SLC14A1: variants seen among roughly 807,000 people sequenced by gnomAD.
SLC14A1 encodes solute carrier family 14 member 1 (Kidd blood group).
Under a neutral mutation model 39.6 loss-of-function variants are expected in SLC14A1, and 36 were observed. The observed-to-expected ratio is 0.91, with a 90% CI of 0.70 to 1.20. The LOEUF is 1.20. Ranked by LOEUF, SLC14A1 falls within the 50% of genes most tolerant of loss-of-function variation. The pLI, the probability that SLC14A1 is intolerant of heterozygous loss-of-function variation, is 0.00. For missense variants in SLC14A1, 469 were observed against 478.7 expected (o/e 0.98, Z 0.19); for synonymous variants, 164 against 173.6 (o/e 0.94, Z 0.43).
intron 4 of SLC14A1, among the ~76,000 whole-genome samples, chr18:45,732,375 G>T (rs912503871): frequency 1.3e-5 from 2 of 152,206 alleles, no homozygotes; most frequent in Admixed American, 6.5e-5. Flanking sequence ...ACATCTCCAA[G>T]TCAGTTGTTG....
chr18:45,734,436 G>GAAA (rs35812340), intron 5 of SLC14A1, 34 bp downstream of exon 5: 76 of 1,367,710 alleles, frequency 5.6e-5, no homozygotes, highest in South Asian at 9.7e-5. Context: ...ATGCCTTTTT[G>GAAA]AAAAAAAAAA....
In SLC14A1 at chr18:45,739,517, T is replaced by C; in HGVS notation, c.812-11T>C. ...TTTAGTCCTGAGTTCTGACCCCTCC[T>C]GTCTTAACAGGACTCAGTCTTTCAG... On this transcript the variant is annotated splice_polypyrimidine_tract_variant and intron_variant, in intron 7 of 9. Coordinates refer to ENST00000321925, the MANE Select transcript of SLC14A1 (RefSeq NM_015865.7). The C allele has an allele frequency of 6.2e-7, 1 of 1,614,190 alleles. No homozygotes were observed. Among genetic ancestry groups the C allele is most frequent in the Non-Finnish European group, 8.5e-7 (1 of 1,180,004 alleles).
At chr18:45,727,508 T>TG in intron 2 of SLC14A1, 8 of 1,420,582 alleles carry the variant, frequency 5.6e-6, no homozygotes, top group Non-Finnish European at 7.5e-6. Flanking sequence ...GCCTGGGAAG[T>TG]GGGGGTTGGC....
chr18:45,730,763 A>T (rs1184578955), intron 3 of SLC14A1, among the ~76,000 whole-genome samples: 1 of 152,210 alleles, frequency 6.6e-6, no homozygotes, highest in Non-Finnish European at 1.5e-5. Flanking sequence ...TATAAGCATG[A>T]AAATAAGTGC....
intron 8 of SLC14A1, 114 bp from the exon 9 acceptor site, chr18:45,748,262 G>C (rs749529901): frequency 2.7e-6 from 3 of 1,121,734 alleles, no homozygotes; most frequent in Non-Finnish European, 4.1e-6. Context: ...TTAGGCTCAT[G>C]CTTGTAATCA....
chr18:45,735,273 G>C (rs980499358), intron 5 of SLC14A1, among the ~76,000 whole-genome samples: 1 of 152,194 alleles, frequency 6.6e-6, no homozygotes, highest in Non-Finnish European at 1.5e-5. Context: ...TGCAGGGTTT[G>C]TTACACCACA....
chr18:45,736,202 A>G (rs1239550401), intron 5 of SLC14A1, among the ~76,000 whole-genome samples: 2 of 152,228 alleles, frequency 1.3e-5, no homozygotes, highest in African/African-American at 4.8e-5. Flanking sequence ...ATCTCAATAT[A>G]TAGCTCACTC....
chr18:45,731,172 C>A lies in SLC14A1; in HGVS notation c.309C>A (p.Ser103=). 1 of 1,613,974 alleles carries A rather than the reference C, an allele frequency of 6.2e-7. No homozygotes were observed. The highest frequency in any genetic ancestry group is 1.7e-5 in the Admixed American group (1 of 60,012). Reference sequence around the variant, plus strand: ...CTGGCTGGCTGGGAACAGTGGTCTCCACTCTGATGGCCCTCTTGCTCAGCC... The same window carrying A: ...CTGGCTGGCTGGGAACAGTGGTCTCAACTCTGATGGCCCTCTTGCTCAGCC... ...ALTGWLGTVV[S]TLMALLLSQD... Residue 103 remains serine, a synonymous_variant, in exon 4 of 10, where the codon TCC becomes TCA. Coordinates refer to ENST00000321925, the MANE Select transcript of SLC14A1 (RefSeq NM_015865.7).
chr18:45,741,942 T>C (rs1404904396), intron 8 of SLC14A1, among the ~76,000 whole-genome samples: 1 of 152,238 alleles, frequency 6.6e-6, no homozygotes, highest in African/African-American at 2.4e-5. Flanking sequence ...CAAATATGTA[T>C]TAAACACACA....
chr18:45,741,501 T>G (rs1489762943), intron 8 of SLC14A1, among the ~76,000 whole-genome samples: 1 of 152,242 alleles, frequency 6.6e-6, no homozygotes, highest in African/African-American at 2.4e-5. Flanking sequence ...ATTTCTGCAC[T>G]GGCAGAAAAT....
Position 45,750,389 on chromosome 18 carries a change from G to A in SLC14A1, c.*438G>A, listed in dbSNP as rs1317273493. On this transcript the variant is annotated 3_prime_UTR_variant, in exon 10 of 10. Transcript: ENST00000321925. ...AAAATCGAAGTTAATCCAGAATTCT[G>A]TGATAAGCAGCTTGGCTTTTTTTTT... 9.3e-7 allele frequency: 1 copy of A among 1,079,548 alleles called. No individual in the cohort carries two copies. Among genetic ancestry groups the A allele is most frequent in the African/African-American group, 1.7e-5 (1 of 59,352 alleles). 66.9% of individuals were successfully genotyped at this position (1,079,548 alleles called of 1,614,324 possible).
chr18:45,731,659 G>A, intron 4 of SLC14A1: 1 of 219,714 alleles, frequency 4.6e-6, no homozygotes, highest in Non-Finnish European at 9.2e-6. Flanking sequence ...TCAGCTCCTG[G>A]AGAAAAGAAT....
chr18:45,738,845 C>T (rs1247709926), intron 6 of SLC14A1, among the ~76,000 whole-genome samples: 2 of 152,132 alleles, frequency 1.3e-5, no homozygotes, highest in South Asian at 2.1e-4. Context: ...TAGCCAGGAG[C>T]AGTGAGTGGC....
chr18:45,730,067 G>A (rs2046983239), intron 2 of SLC14A1: 1 of 442,482 alleles, frequency 2.3e-6, no homozygotes, highest in Non-Finnish European at 4.0e-6. Context: ...TGCACCTTAT[G>A]AAATTAAAGA....
intron 2 of SLC14A1, chr18:45,727,114 C>G: frequency 1.5e-6 from 1 of 677,830 alleles, no homozygotes. Flanking sequence ...TCTTCATTAG[C>G]GGTCTCCCAT....
chr18:45,737,604 A>C (rs2047233926), intron 6 of SLC14A1: 1 of 152,234 alleles, frequency 6.6e-6, no homozygotes, highest in Non-Finnish European at 1.5e-5. Context: ...CCTGGAAATA[A>C]TTCAGAAGGA....
intron 2 of SLC14A1, chr18:45,727,305 G>A (rs1048464006): frequency 6.4e-7 from 1 of 1,551,420 alleles, no homozygotes; most frequent in African/African-American, 1.4e-5. Flanking sequence ...CGGCGCTGGT[G>A]ACGCCCGTCA....
chr18:45,734,466 G>C, intron 5 of SLC14A1, 64 bp downstream of exon 5: 1 of 1,575,496 alleles, frequency 6.3e-7, no homozygotes, highest in Non-Finnish European at 8.7e-7. Context: ...AGGAGGGAAT[G>C]GGAGTTGTTA....
intron 8 of SLC14A1, among the ~76,000 whole-genome samples, chr18:45,743,917 G>A (rs550504331): frequency 4.6e-5 from 7 of 152,108 alleles, no homozygotes; most frequent in South Asian, 4.2e-4. Flanking sequence ...TGGATTTGTC[G>A]TAAGTATAAG....
Sources: allele counts gnomAD v4.1 joint callset (sites outside exome capture counted in the v4.1 genomes callset), GRCh38; gene constraint gnomAD v4.1.1; transcripts MANE v1.5; gene names NCBI Gene and HGNC (gene_info 2026-07-23, HGNC 2026-07-21).